ZNF395: variants seen among roughly 807,000 people sequenced by gnomAD.
The protein encoded by ZNF395 is HD gene regulatory region-binding protein 2.
ZNF395 carries 20 observed loss-of-function variants against 57.7 expected under a neutral mutation model. The ratio of observed to expected loss-of-function variants is 0.35; its 90% CI spans 0.24 to 0.50. The LOEUF (loss-of-function observed/expected upper bound fraction) is 0.50, where lower values mean the gene tolerates loss of function less well. Ranked by LOEUF, ZNF395 falls within the 20% of genes least tolerant of loss-of-function variation. ZNF395 has a pLI of 0.97. For missense variants in ZNF395, 606 were observed against 671.2 expected (o/e 0.90, Z 1.07); for synonymous variants, 295 against 275.9 (o/e 1.07, Z -0.69).
intron 3 of ZNF395, among the ~76,000 whole-genome samples, chr8:28,357,031 G>A (rs560439369): frequency 5.9e-5 from 9 of 152,206 alleles, no homozygotes; most frequent in Non-Finnish European, 1.0e-4. Context: ...AGGCAGCCCC[G>A]GTATAAGCCG....
chr8:28,349,529 T>G (rs1368272912), intron 8 of ZNF395, among the ~76,000 whole-genome samples: 2 of 152,206 alleles, frequency 1.3e-5, no homozygotes, highest in Non-Finnish European at 2.9e-5. Context: ...TCACACTGCC[T>G]CAGTGGCATC....
chr8:28,368,819 A>G (rs753446349), intron 1 of ZNF395, among the ~76,000 whole-genome samples: 10 of 152,148 alleles, frequency 6.6e-5, no homozygotes, highest in Non-Finnish European at 7.4e-5. Flanking sequence ...ACACAGGAAC[A>G]TGGACTCTAC....
chr8:28,354,138 G>A (rs1801752555), intron 4 of ZNF395, among the ~76,000 whole-genome samples: 1 of 152,170 alleles, frequency 6.6e-6, no homozygotes, highest in Non-Finnish European at 1.5e-5. Flanking sequence ...ATCGCAAGGT[G>A]GCAGGGGGCT....
In ZNF395 at chr8:28,346,896, A is replaced by AGGCTAGCCTG. The variant is rs1424938654; in HGVS notation, c.*1813_*1822dup. 2 of 151,968 alleles carry AGGCTAGCCTG rather than the reference A, an allele frequency of 1.3e-5. No individual in the cohort carries two copies. The highest frequency in any genetic ancestry group is 4.8e-5 in the African/African-American group (2 of 41,352). 9.4% of individuals were successfully genotyped at this position (151,968 alleles called of 1,614,324 possible). A position where few individuals can be genotyped will look rare whatever the true frequency, so the allele number is the denominator to read the frequency against. On this transcript the variant is annotated 3_prime_UTR_variant, in exon 10 of 10. Transcript: ENST00000344423. ...AGGAAGGAGAGCCCTGCGCCACCTCAGGCTAGCCTGGCTTTGAGCTTTACC... is the reference window on the plus strand; with the variant it reads ...AGGAAGGAGAGCCCTGCGCCACCTCAGGCTAGCCTGGGCTAGCCTGGCTTTGAGCTTTACC...
rs1802032961 is a variant in ZNF395, at chr8:28,375,738, G to A, written c.-59+10655C>T. Among the ~76,000 whole-genome samples the A allele has an allele frequency of 1.3e-5, 2 of 152,172 alleles. 1 individual carries two copies. The highest frequency in any genetic ancestry group is 2.9e-5 in the Non-Finnish European group (2 of 68,034). ...GCTATGCAAGGAGCATGAGTACCAT[G>A]GCGACAGTCACCATAAAAATAGATA... On this transcript the variant is annotated intron_variant, in intron 1 of 9. Transcript: ENST00000344423.
intron 1 of ZNF395, among the ~76,000 whole-genome samples, chr8:28,366,090 C>T (rs558000797): frequency 6.6e-6 from 1 of 152,288 alleles, no homozygotes; most frequent in East Asian, 1.9e-4. Flanking sequence ...CACTGCACAA[C>T]TCGTGGGGTT....
chr8:28,375,733 A>G (rs1802032899), intron 1 of ZNF395, among the ~76,000 whole-genome samples: 1 of 152,246 alleles, frequency 6.6e-6, no homozygotes, highest in Admixed American at 6.5e-5. Context: ...GAGCATGAGT[A>G]CCATGGCGAC....
chr8:28,371,545 T>A (rs559892570), intron 1 of ZNF395, among the ~76,000 whole-genome samples: 1 of 152,138 alleles, frequency 6.6e-6, no homozygotes, highest in Non-Finnish European at 1.5e-5. Flanking sequence ...CAGACCAAAC[T>A]AGATGACCAC....
At chr8:28,349,569 G>A (rs944225897) in intron 8 of ZNF395, among the ~76,000 whole-genome samples, 2 of 152,198 alleles carry the variant, frequency 1.3e-5, no homozygotes, top group Non-Finnish European at 1.5e-5. Flanking sequence ...GTGTGACACC[G>A]CCCTGCAGGA....
In ZNF395 at chr8:28,348,061, A is replaced by C. The variant is rs1056696488; in HGVS notation, c.*658T>G. 2 of 152,106 alleles carry C rather than the reference A, an allele frequency of 1.3e-5. No homozygotes were observed. The highest frequency in any genetic ancestry group is 2.4e-5 in the African/African-American group (1 of 41,414). 9.4% of individuals were successfully genotyped at this position (152,106 alleles called of 1,614,324 possible). A position where few individuals can be genotyped will look rare whatever the true frequency, so the allele number is the denominator to read the frequency against. On this transcript the variant is annotated 3_prime_UTR_variant, in exon 10 of 10. Transcript: ENST00000344423. ...ACCTCTTTCTCTGGGCTTTAAGAAG[A>C]AGCCATTTAATATTTGTTGGGGTGC... is the stretch of plus-strand genomic sequence containing the variant.
At chr8:28,370,955 C>T (rs751751922) in intron 1 of ZNF395, among the ~76,000 whole-genome samples, 6 of 152,240 alleles carry the variant, frequency 3.9e-5, no homozygotes, top group African/African-American at 7.2e-5. Context: ...AATGTTCTAA[C>T]AGCTATCATT....
intron 1 of ZNF395, among the ~76,000 whole-genome samples, chr8:28,376,957 T>A (rs940897220): frequency 2.6e-5 from 4 of 152,202 alleles, no homozygotes; most frequent in Admixed American, 2.0e-4. Context: ...CAAGCATATA[T>A]CATGTGGAGA....
At chr8:28,358,602 A>AT (rs1563338237) in intron 3 of ZNF395, among the ~76,000 whole-genome samples, 1 of 151,800 alleles carries the variant, frequency 6.6e-6, no homozygotes, top group Admixed American at 6.6e-5. Flanking sequence ...TACCTGACTA[A>AT]TTTTTTTATT....
At chr8:28,351,355 C>A in intron 7 of ZNF395, 140 bp downstream of exon 7, 1 of 887,520 alleles carries the variant, frequency 1.1e-6, no homozygotes. Flanking sequence ...AATTCGGTTT[C>A]CTTTTGTTTC....
intron 1 of ZNF395, among the ~76,000 whole-genome samples, chr8:28,365,921 AACC>A (rs755905617): frequency 5.5e-4 from 84 of 152,194 alleles, no homozygotes; most frequent in Admixed American, 1.4e-3. Flanking sequence ...GTTGCTGGAC[AACC>A]ACATGTCTCA....
In ZNF395 at chr8:28,364,824, G is replaced by A. The variant is rs569262648; in HGVS notation, c.-58-3642C>T. On this transcript the variant is annotated intron_variant, in intron 1 of 9. Coordinates refer to ENST00000344423, the MANE Select transcript of ZNF395 (RefSeq NM_018660.3). ...AAAGTCTACACATCCATTTTCTCACGTACTTTCATTCCTTGAAAAAATCTC... is the reference window on the plus strand; with the variant it reads ...AAAGTCTACACATCCATTTTCTCACATACTTTCATTCCTTGAAAAAATCTC... Among the ~76,000 whole-genome samples, 24 of 152,254 alleles carry A rather than the reference G, an allele frequency of 1.6e-4. No homozygotes were observed. In the South Asian group the frequency reaches 4.8e-3, roughly 30 times the overall value.
chr8:28,349,994 C>A, intron 8 of ZNF395, 70 bp downstream of exon 8: 1 of 1,406,762 alleles, frequency 7.1e-7, no homozygotes. Flanking sequence ...AAGGGATGGC[C>A]TCCAGCCCTG....
Position 28,373,013 on chromosome 8 carries a change from G to T in ZNF395, c.-58-11831C>A, listed in dbSNP as rs145598897. Among the ~76,000 whole-genome samples, 1,440 of 152,310 alleles carry T rather than the reference G, an allele frequency of 9.5e-3. 25 individuals carry two copies. The highest frequency in any genetic ancestry group is 0.033 in the African/African-American group (1,378 of 41,564). ...AGGGAGGCCCCACTAACATCAGCTG[G>T]AGACCAAAGAGGGGATGCTGGAATA... On this transcript the variant is annotated intron_variant, in intron 1 of 9. Coordinates refer to ENST00000344423, the MANE Select transcript of ZNF395 (RefSeq NM_018660.3).
At chr8:28,364,015 T>C (rs2129966148) in intron 1 of ZNF395, among the ~76,000 whole-genome samples, 1 of 152,358 alleles carries the variant, frequency 6.6e-6, no homozygotes, top group African/African-American at 2.4e-5. Flanking sequence ...AAATCTTAAT[T>C]TTTAAAAGCA....
Sources: allele counts gnomAD v4.1 joint callset (sites outside exome capture counted in the v4.1 genomes callset), GRCh38; gene constraint gnomAD v4.1.1; transcripts MANE v1.5; gene names NCBI Gene and HGNC (gene_info 2026-07-23, HGNC 2026-07-21).